The following PTPRD variants were observed in gnomAD, a reference collection of about 807,000 sequenced individuals.
PTPRD encodes receptor-type tyrosine-protein phosphatase delta.
A neutral mutation model predicts 214.5 loss-of-function variants in PTPRD; 34 were observed. That is an observed-to-expected ratio of 0.16 (90% CI 0.12 to 0.21). The LOEUF (loss-of-function observed/expected upper bound fraction) is 0.21. Ranked by LOEUF, PTPRD falls within the 10% of genes least tolerant of loss-of-function variation. The pLI is 1.00. For missense variants in PTPRD, 2,545 were observed against 2,398.7 expected (o/e 1.06, Z -1.27); for synonymous variants, 1,128 against 845.7 (o/e 1.33, Z -5.79).
Position 10,343,760 on chromosome 9 carries a change from G to A in PTPRD, c.-599-2743C>T, listed in dbSNP as rs200291119. Among the ~76,000 whole-genome samples, 7 of 151,934 alleles carry A rather than the reference G, an allele frequency of 4.6e-5. No individual in the cohort carries two copies. In the East Asian group the frequency reaches 1.4e-3, roughly 29 times the overall value. Reference sequence around the variant, plus strand: ...GAGCATTATTTTCATGTGTCTGTTGGCTGCATAAATGTCTTCTTTTGAGAA... The same window carrying A: ...GAGCATTATTTTCATGTGTCTGTTGACTGCATAAATGTCTTCTTTTGAGAA... On this transcript the variant is annotated intron_variant, in intron 2 of 45. Transcript: ENST00000381196.
chr9:10,210,818 T>TATATATATAC (rs2099513278), intron 3 of PTPRD, among the ~76,000 whole-genome samples: 2 of 70,554 alleles, frequency 2.8e-5, no homozygotes, highest in African/African-American at 8.5e-5. Flanking sequence ...TATATATATA[T>TATATATATAC]ATATGTATGT....
At chr9:9,980,251 T>C (rs2095493380) in intron 4 of PTPRD, among the ~76,000 whole-genome samples, 1 of 152,084 alleles carries the variant, frequency 6.6e-6, no homozygotes, top group Non-Finnish European at 1.5e-5. Context: ...GAGTGATTTT[T>C]AATATATAAA....
intron 5 of PTPRD, among the ~76,000 whole-genome samples, chr9:9,784,514 A>G (rs938050551): frequency 2.6e-5 from 4 of 152,056 alleles, no homozygotes; most frequent in Admixed American, 6.6e-5. Context: ...CCTGTTTCAC[A>G]AATTTCCTTC....
intron 2 of PTPRD, among the ~76,000 whole-genome samples, chr9:10,471,518 G>T (rs893134067): frequency 3.3e-5 from 5 of 151,976 alleles, no homozygotes; most frequent in Admixed American, 3.3e-4. Context: ...TTTAGTGTTT[G>T]TATGATTTTG....
At chr9:9,663,762 C>G (rs998461808) in intron 7 of PTPRD, among the ~76,000 whole-genome samples, 39 of 151,336 alleles carry the variant, frequency 2.6e-4, no homozygotes, top group African/African-American at 9.2e-4. Context: ...TGATATATAC[C>G]TAAATATATG....
chr9:8,645,701 A>C (rs570352072), intron 12 of PTPRD, among the ~76,000 whole-genome samples: 2 of 150,430 alleles, frequency 1.3e-5, no homozygotes, highest in East Asian at 4.0e-4. Context: ...GATTTAATTT[A>C]GTGAAAAGAT....
intron 12 of PTPRD, among the ~76,000 whole-genome samples, chr9:8,699,374 T>G (rs759238560): frequency 2.6e-5 from 4 of 152,164 alleles, no homozygotes; most frequent in Non-Finnish European, 5.9e-5. Context: ...GTAAAAAAGA[T>G]TAATTCCTGA....
At chr9:10,230,187 C>G (rs370070609) in intron 3 of PTPRD, among the ~76,000 whole-genome samples, 4 of 152,116 alleles carry the variant, frequency 2.6e-5, no homozygotes, top group Non-Finnish European at 4.4e-5. Context: ...AAGGTTGGAA[C>G]AAATCCCTCC....
chr9:8,960,826 C>G (rs1443430705), intron 11 of PTPRD, among the ~76,000 whole-genome samples: 1 of 152,126 alleles, frequency 6.6e-6, no homozygotes, highest in Admixed American at 6.6e-5. Context: ...GGTTTGTGTA[C>G]CACACAGCAT....
intron 11 of PTPRD, among the ~76,000 whole-genome samples, chr9:8,769,078 A>G (rs1184594616): frequency 1.3e-5 from 2 of 152,216 alleles, no homozygotes; most frequent in Non-Finnish European, 2.9e-5. Context: ...TTTGTCAATG[A>G]TTTATGAATC....
At chr9:8,606,592 G>A (rs1164629540) in intron 14 of PTPRD, among the ~76,000 whole-genome samples, 4 of 152,140 alleles carry the variant, frequency 2.6e-5, no homozygotes, top group African/African-American at 9.7e-5. Context: ...GCTATTTAGG[G>A]CACCAAGCTT....
At chr9:8,454,726 T>C (rs1346149855) in intron 33 of PTPRD, 32 of 914,154 alleles carry the variant, frequency 3.5e-5, no homozygotes, top group African/African-American at 5.0e-5. Flanking sequence ...CTGACATACA[T>C]TCAGAAGCGA....
At chr9:9,238,529 G>T (rs2099968480) in intron 9 of PTPRD, among the ~76,000 whole-genome samples, 1 of 152,062 alleles carries the variant, frequency 6.6e-6, no homozygotes, top group African/African-American at 2.4e-5. Flanking sequence ...AAAATCATTG[G>T]TTAAGTTAGC....
intron 10 of PTPRD, among the ~76,000 whole-genome samples, chr9:9,095,770 T>A (rs901308252): frequency 6.6e-6 from 1 of 152,126 alleles, no homozygotes; most frequent in Admixed American, 6.6e-5. Context: ...CCAAAGGAAA[T>A]AAATCATCAC....
chr9:10,183,152 A>G (rs933609277), intron 3 of PTPRD, among the ~76,000 whole-genome samples: 5 of 152,166 alleles, frequency 3.3e-5, no homozygotes, highest in East Asian at 1.9e-4. Flanking sequence ...AAAGTGTTCA[A>G]TTTTTTAAAG....
chr9:10,152,819 C>A (rs560295030), intron 3 of PTPRD, among the ~76,000 whole-genome samples: 2 of 151,988 alleles, frequency 1.3e-5, no homozygotes, highest in African/African-American at 2.4e-5. Flanking sequence ...GAGTGAACTC[C>A]CCCCCTACCC....
chr9:9,293,386 G>GTTTTTTTTTTTTTTTT (rs137924508), intron 9 of PTPRD, among the ~76,000 whole-genome samples: 1 of 138,402 alleles, frequency 7.2e-6, no homozygotes, highest in Non-Finnish European at 1.6e-5. Context: ...TTGTTTGTTT[G>GTTTTTTTTTTTTTTTT]TTCTTTTTTT....
intron 10 of PTPRD, among the ~76,000 whole-genome samples, chr9:9,112,968 C>CTTTTTTTTTT (rs1022842660): frequency 8.0e-6 from 1 of 125,670 alleles, no homozygotes. Context: ...CTATTTTTTT[C>CTTTTTTTTTT]TTTTTTTTTT....
intron 9 of PTPRD, among the ~76,000 whole-genome samples, chr9:9,202,186 G>C (rs564614227): frequency 5.1e-4 from 78 of 152,268 alleles, no homozygotes; most frequent in African/African-American, 1.9e-3. Flanking sequence ...GTCAGCAGTA[G>C]TAACAACGAT....
Sources: gnomAD v4.1 joint callset for allele counts (sites outside exome capture counted in the v4.1 genomes callset) on GRCh38, gnomAD v4.1.1 for gene constraint, MANE v1.5 for transcripts, NCBI Gene and HGNC (gene_info 2026-07-23, HGNC 2026-07-21) for gene names.